Variants in CACNA1C observed in about 807,000 individuals in gnomAD.
CACNA1C encodes voltage-dependent L-type calcium channel subunit alpha-1C.
A neutral mutation model predicts 229.0 loss-of-function variants in CACNA1C; 30 were observed. The ratio of observed to expected loss-of-function variants is 0.13; its 90% CI spans 0.10 to 0.18. The LOEUF (loss-of-function observed/expected upper bound fraction) is 0.18. CACNA1C is among the 10% of genes least tolerant of loss of function. The pLI, the probability that CACNA1C is intolerant of heterozygous loss-of-function variation, is 1.00. For missense variants in CACNA1C, 1,658 were observed against 2,845.0 expected (o/e 0.58, Z 9.49); for synonymous variants, 1,114 against 1,132.5 (o/e 0.98, Z 0.33).
rs915460393 is a variant in CACNA1C at position 2,653,990 on chromosome 12, C to T, written c.4140+90C>T. 4 of 1,020,716 alleles carry T rather than the reference C, an allele frequency of 3.9e-6. No homozygotes were observed. Among genetic ancestry groups the T allele is most frequent in the Admixed American group, 3.8e-5 (2 of 52,350 alleles). 63.2% of individuals were successfully genotyped at this position (1,020,716 alleles called of 1,614,324 possible). On this transcript the variant is annotated intron_variant, in intron 33 of 46. Transcript: ENST00000399655. This position sits in a 1 kb window ranked among gnomAD's most constrained non-coding sequence, Gnocchi z 4.7. Reference sequence around the variant, plus strand: ...ACATTCCCTAACGCCTTCCTCCCTCCCTTCTCCCTTTCATTCCTGACTGTC... The same window carrying T: ...ACATTCCCTAACGCCTTCCTCCCTCTCTTCTCCCTTTCATTCCTGACTGTC...
chr12:2,437,831 G>C (rs1352013364), intron 3 of CACNA1C, among the ~76,000 whole-genome samples: 3 of 146,188 alleles, frequency 2.1e-5, no homozygotes, highest in Non-Finnish European at 4.6e-5. Context: ...GGTAATGGTG[G>C]TGGTAATGAT....
At chr12:1,990,337 C>T (rs760322125) in intron 1 of CACNA1C, among the ~76,000 whole-genome samples, 29 of 152,242 alleles carry the variant, frequency 1.9e-4, no homozygotes, top group South Asian at 4.1e-4. Context: ...TTTTAAAGTT[C>T]ATACAGGTCA....
intron 1 of CACNA1C, among the ~76,000 whole-genome samples, chr12:2,037,760 T>C (rs1449211194): frequency 1.3e-5 from 2 of 152,212 alleles, no homozygotes; most frequent in African/African-American, 4.8e-5. Flanking sequence ...GAGCATGGTC[T>C]GGGGTAGAGC....
intron 5 of CACNA1C, among the ~76,000 whole-genome samples, chr12:2,477,074 T>C (rs1168229669): frequency 6.6e-6 from 1 of 152,222 alleles, no homozygotes. Context: ...ATTAAGCCTG[T>C]GAGACCATTA....
intron 9 of CACNA1C, chr12:2,547,307 TTTTG>T: frequency 1.6e-6 from 1 of 622,386 alleles, no homozygotes; most frequent in Non-Finnish European, 2.9e-6. Flanking sequence ...ATTGAATTTT[TTTTG>T]TTTATTTTCT....
At chr12:2,295,032 C>T (rs961845430) in intron 3 of CACNA1C, among the ~76,000 whole-genome samples, 6 of 152,212 alleles carry the variant, frequency 3.9e-5, no homozygotes, top group African/African-American at 1.2e-4. Flanking sequence ...TCTTTCACCA[C>T]GTCTTCCGGG....
chr12:2,093,199 A>G (rs1026798967), intron 1 of CACNA1C, among the ~76,000 whole-genome samples: 7 of 152,188 alleles, frequency 4.6e-5, no homozygotes, highest in Admixed American at 3.9e-4. Context: ...GTACGTGGGT[A>G]TGTGTCTGTG....
intron 1 of CACNA1C, among the ~76,000 whole-genome samples, chr12:2,104,621 G>C (rs2077520598): frequency 6.6e-6 from 1 of 152,180 alleles, no homozygotes; most frequent in Non-Finnish European, 1.5e-5. Context: ...AATAGGAGTG[G>C]TGAGAGAGGG....
intron 3 of CACNA1C, among the ~76,000 whole-genome samples, chr12:2,386,172 A>G (rs1169806713): frequency 6.6e-6 from 1 of 152,186 alleles, no homozygotes; most frequent in African/African-American, 2.4e-5. Flanking sequence ...GTAGCTTGAA[A>G]TTGACCATGG....
At chr12:2,145,550 C>T (rs1436413504) in intron 3 of CACNA1C, among the ~76,000 whole-genome samples, 1 of 151,004 alleles carries the variant, frequency 6.6e-6, no homozygotes, top group African/African-American at 2.4e-5. Context: ...TGTTTGCTTG[C>T]TCATTTATTT....
chr12:2,663,788 C>T (rs2095902197), intron 34 of CACNA1C, among the ~76,000 whole-genome samples: 1 of 133,882 alleles, frequency 7.5e-6, no homozygotes, highest in Non-Finnish European at 1.5e-5. Context: ...GTCGCCCAGG[C>T]TGGAGTACAG....
chr12:2,385,301 G>A (rs1182864012), intron 3 of CACNA1C, among the ~76,000 whole-genome samples: 1 of 152,042 alleles, frequency 6.6e-6, no homozygotes, highest in Non-Finnish European at 1.5e-5. Context: ...GTACTGCACG[G>A]CCGGGCCAGA....
intron 3 of CACNA1C, among the ~76,000 whole-genome samples, chr12:2,442,135 T>C (rs1372684649): frequency 6.6e-6 from 1 of 152,244 alleles, no homozygotes; most frequent in Non-Finnish European, 1.5e-5. Flanking sequence ...TCATCATTAT[T>C]ATTCTCATTC....
chr12:2,269,991 C>T (rs2154416995), intron 3 of CACNA1C: 1 of 152,330 alleles, frequency 6.6e-6, no homozygotes, highest in East Asian at 1.9e-4. Context: ...CCTCCCATCT[C>T]CACTCTCTTA....
intron 1 of CACNA1C, among the ~76,000 whole-genome samples, chr12:2,013,990 T>C (rs1420979001): frequency 6.6e-6 from 1 of 152,176 alleles, no homozygotes; most frequent in Non-Finnish European, 1.5e-5. Context: ...TGAGGTAATT[T>C]GAAGATTAAA....
intron 29 of CACNA1C, among the ~76,000 whole-genome samples, chr12:2,621,665 T>C (rs1454140963): frequency 6.6e-6 from 1 of 152,010 alleles, no homozygotes; most frequent in African/African-American, 2.4e-5. Context: ...GTGGAAGAGA[T>C]GGAGCGAGGG....
At chr12:2,300,384 C>T (rs2154472716) in intron 3 of CACNA1C, among the ~76,000 whole-genome samples, 1 of 152,252 alleles carries the variant, frequency 6.6e-6, no homozygotes, top group South Asian at 2.1e-4. Context: ...CTTTGGAAGG[C>T]TGATTGCAGG....
In CACNA1C at chr12:2,410,182, G is replaced by C. The variant is rs965737561; in HGVS notation, c.478-38794G>C. Among the ~76,000 whole-genome samples the C allele has an allele frequency of 2.6e-5, 4 of 152,202 alleles. No individual in the cohort carries two copies. The highest frequency in any genetic ancestry group is 9.6e-5 in the African/African-American group (4 of 41,452). ...CCACTCCAATCTGCCAGAGGGACAG[G>C]GTCCTTCCCCGCAGCACTGAGGCTT... On this transcript the variant is annotated intron_variant, in intron 3 of 46. Coordinates refer to ENST00000399655, the MANE Select transcript of CACNA1C (RefSeq NM_000719.7). This position sits in a 1 kb window ranked among gnomAD's most constrained non-coding sequence, Gnocchi z 5.3.
At position 2,504,967 on chromosome 12, in the gene CACNA1C, G is replaced by C. The variant is rs1331006160; in HGVS notation, c.1217+22G>C. On this transcript the variant is annotated intron_variant, in intron 8 of 46. Coordinates refer to ENST00000399655, the MANE Select transcript of CACNA1C (RefSeq NM_000719.7). This position sits in a 1 kb window ranked among gnomAD's most constrained non-coding sequence, Gnocchi z 6.8. The stretch of plus-strand genomic sequence containing the variant: ...GCGGGTAAGCAGGACCAAGGAAAAA[G>C]GTCTTGATTTTTCCATTTATTTTTA... 8.6e-7 allele frequency: 1 copy of C among 1,166,840 alleles called. No individual in the cohort carries two copies. Among genetic ancestry groups the C allele is most frequent in the Non-Finnish European group, 1.3e-6 (1 of 779,782 alleles). The allele number at this position is 1,166,840 out of a possible 1,614,324, so 72.3% of individuals were successfully genotyped here. A position where few individuals can be genotyped will look rare whatever the true frequency, so the allele number is the denominator to read the frequency against.
Sources: allele counts gnomAD v4.1 joint callset (sites outside exome capture counted in the v4.1 genomes callset), GRCh38; gene constraint gnomAD v4.1.1; non-coding constraint Gnocchi (gnomAD v3.1); transcripts MANE v1.5; gene names NCBI Gene and HGNC (gene_info 2026-07-23, HGNC 2026-07-21).